Variants in OPTN observed in about 807,000 individuals in gnomAD.
OPTN encodes the protein optineurin.
Under a neutral mutation model 70.4 loss-of-function variants are expected in OPTN, and 54 were observed. That is an observed-to-expected ratio of 0.77 (90% CI 0.62 to 0.96). OPTN has a LOEUF of 0.96. OPTN is among the 40% of genes least tolerant of loss of function. The probability of loss-of-function intolerance (pLI) is 0.00; values close to 1 mark genes in which losing one functional copy is unlikely to be tolerated. For missense variants in OPTN, 624 were observed against 673.2 expected (o/e 0.93, Z 0.81); for synonymous variants, 256 against 248.5 (o/e 1.03, Z -0.28).
intron 1 of OPTN, among the ~76,000 whole-genome samples, chr10:13,103,140 G>GT (rs1395607485): frequency 6.6e-6 from 1 of 152,050 alleles, no homozygotes; most frequent in Non-Finnish European, 1.5e-5. Flanking sequence ...CTTCTAGTGT[G>GT]TAATGACGAG....
At position 13,118,978 on chromosome 10, in the gene OPTN, C is replaced by T. The variant is rs1331720339; in HGVS notation, c.717C>T (p.Cys239=). The change falls in exon 7 of 15, where the codon TGC becomes TGT. Residue 239 remains cysteine, a synonymous_variant. Coordinates refer to ENST00000378747, the MANE Select transcript of OPTN (RefSeq NM_001008212.2). ...TAACTGTGAGCCAGCTCCTGCTGTG[C>T]CTAAGGGAAGGGAATCAGAAGGTGG... ...EELTVSQLLL[C]LREGNQKVER... The T allele has an allele frequency of 6.2e-7, 1 of 1,613,954 alleles. No individual in the cohort carries two copies. Among genetic ancestry groups the T allele is most frequent in the Non-Finnish European group, 8.5e-7 (1 of 1,179,940 alleles).
intron 9 of OPTN, among the ~76,000 whole-genome samples, chr10:13,124,859 T>C (rs1461150950): frequency 6.6e-6 from 1 of 152,234 alleles, no homozygotes; most frequent in Non-Finnish European, 1.5e-5. Flanking sequence ...GTAAATTGTG[T>C]GTTGTAATTT....
intron 1 of OPTN, among the ~76,000 whole-genome samples, chr10:13,101,538 T>C (rs1465252162): frequency 2.0e-5 from 3 of 151,912 alleles, no homozygotes; most frequent in Admixed American, 1.3e-4. Context: ...TTCTGTTTTA[T>C]AGAGATTTGG....
intron 9 of OPTN, 127 bp from the exon 10 acceptor site, chr10:13,125,291 T>G: frequency 3.1e-6 from 3 of 976,406 alleles, no homozygotes; most frequent in Non-Finnish European, 4.8e-6. Context: ...ATTATGTATT[T>G]CATTTTGCAT....
At position 13,108,300 on chromosome 10, in the gene OPTN, A is replaced by G. The variant is rs1832911064; in HGVS notation, c.-12+11A>G. ...CTGAGTCCGCACATAGTAAGCATTC[A>G]AAGAATGTTAATTCTCCCTTTCTTC... On this transcript the variant is annotated intron_variant, in intron 2 of 14. Transcript: ENST00000378747. 1 of 152,224 alleles carries G rather than the reference A, an allele frequency of 6.6e-6. No individual in the cohort carries two copies. The highest frequency in any genetic ancestry group is 1.5e-5 in the Non-Finnish European group (1 of 68,048). 9.4% of individuals were successfully genotyped at this position (152,224 alleles called of 1,614,324 possible).
At chr10:13,114,779 T>TATATAATTATATA (rs1833092572) in intron 5 of OPTN, among the ~76,000 whole-genome samples, 1 of 100,494 alleles carries the variant, frequency 1.0e-5, no homozygotes, top group Non-Finnish European at 1.8e-5. Context: ...ATTATATAAT[T>TATATAATTATATA]ATATAATTAT....
In OPTN at chr10:13,122,421, T is replaced by C. The variant is rs955524179; in HGVS notation, c.816T>C (p.Ser272=). 1.2e-6 allele frequency: 2 copies of C among 1,613,852 alleles called. No individual in the cohort carries two copies. Among genetic ancestry groups the C allele is most frequent in the Non-Finnish European group, 1.7e-6 (2 of 1,179,874 alleles). ...SDFEKKTSNR[S]EIETQTEGST... ...TTGAAAAGAAAACAAGTAATCGTTC[T>C]GAGATTGAAACCCAGACAGAGGGGA... is the stretch of plus-strand genomic sequence containing the variant. Residue 272 remains serine, a synonymous_variant, in exon 8 of 15, where the codon TCT becomes TCC. Coordinates refer to ENST00000378747, the MANE Select transcript of OPTN (RefSeq NM_001008212.2).
intron 1 of OPTN, among the ~76,000 whole-genome samples, chr10:13,100,790 A>T (rs979632770): frequency 6.6e-6 from 1 of 152,162 alleles, no homozygotes; most frequent in East Asian, 1.9e-4. Context: ...ATATAGAGAG[A>T]ATATTTGATG....
chr10:13,133,483 T>C lies in OPTN; in HGVS notation c.1533-19T>C, dbSNP rs187257874. 5 of 1,612,464 alleles carry C rather than the reference T, an allele frequency of 3.1e-6. No homozygotes were observed. The East Asian group carries it at 6.7e-5, about 22-fold the overall frequency. ...GGGTTGTAGAACATCACACAGCGTG[T>C]TGCTTTTCGTCCTGGCAGGCAGTCC... On this transcript the variant is annotated intron_variant, in intron 13 of 14. Coordinates refer to ENST00000378747, the MANE Select transcript of OPTN (RefSeq NM_001008212.2).
Position 13,104,254 on chromosome 10 carries a change from CTTTTTTTTT to C in OPTN, c.-163-3871_-163-3863del, listed in dbSNP as rs60982439. Among the ~76,000 whole-genome samples, 8 of 97,836 alleles carry C rather than the reference CTTTTTTTTT, an allele frequency of 8.2e-5. No homozygotes were observed. In the South Asian group the frequency reaches 2.8e-3, roughly 34 times the overall value. 64.2% of individuals were successfully genotyped at this position (97,836 alleles called of 152,430 possible). A position where few individuals can be genotyped will look rare whatever the true frequency, so the allele number is the denominator to read the frequency against. On this transcript the variant is annotated intron_variant, in intron 1 of 14. Transcript: ENST00000378747. ...AAATCAGTTAAATTAGTTTTTTTTT[CTTTTTTTTT>C]TTTTTTTTTTTTGTGAGACAGGGTC...
At chr10:13,108,985 G>A (rs1447310414) in intron 2 of OPTN, 127 bp from the exon 3 acceptor site, 22 of 831,520 alleles carry the variant, frequency 2.6e-5, no homozygotes, top group Non-Finnish European at 3.9e-5. Context: ...TGTCCAAAAT[G>A]TAACTGGAGA....
intron 6 of OPTN, chr10:13,116,636 G>A (rs765628756): frequency 1.5e-4 from 68 of 457,092 alleles, no homozygotes; most frequent in Middle Eastern, 6.2e-4. Context: ...TCAATGATTT[G>A]TTCCTAATCA....
At chr10:13,102,074 T>G (rs1832759629) in intron 1 of OPTN, among the ~76,000 whole-genome samples, 1 of 151,728 alleles carries the variant, frequency 6.6e-6, no homozygotes. Flanking sequence ...GTGCTCGGAG[T>G]AGGGAACAGT....
intron 7 of OPTN, among the ~76,000 whole-genome samples, chr10:13,119,830 C>T (rs1324904592): frequency 6.6e-6 from 1 of 152,060 alleles, no homozygotes; most frequent in African/African-American, 2.4e-5. Flanking sequence ...TCATGTTGAC[C>T]GTTTGTTTGA....
intron 14 of OPTN, among the ~76,000 whole-genome samples, 175 bp downstream of exon 14, chr10:13,133,756 C>T (rs1220826371): frequency 6.6e-6 from 1 of 152,196 alleles, no homozygotes; most frequent in African/African-American, 2.4e-5. Flanking sequence ...CCACCGAATC[C>T]AGACCAGACC....
chr10:13,102,170 C>T (rs1041175835), intron 1 of OPTN, among the ~76,000 whole-genome samples: 20 of 152,154 alleles, frequency 1.3e-4, no homozygotes, highest in Admixed American at 3.3e-4. Context: ...CCAGACATTT[C>T]GGGCAGAGGG....
Position 13,117,282 on chromosome 10 carries a change from G to A in OPTN, c.626+942G>A, listed in dbSNP as rs530379410. Among the ~76,000 whole-genome samples, 151 of 151,518 alleles carry A rather than the reference G, an allele frequency of 1.0e-3. 5 individuals carry two copies. In the South Asian group the frequency reaches 0.026, roughly 26 times the overall value. ...TTTTTAGTAGAGATGGGGTTTCACC[G>A]TGTTAGCCAGGATGGTCTCGATCTC... On this transcript the variant is annotated intron_variant, in intron 6 of 14. Transcript: ENST00000378747.
intron 5 of OPTN, among the ~76,000 whole-genome samples, chr10:13,115,527 A>ATATAATATATTCTATAT (rs1564360083): frequency 4.2e-5 from 3 of 70,628 alleles, no homozygotes; most frequent in Non-Finnish European, 7.8e-5. Context: ...ATATTCTATA[A>ATATAATATATTCTATAT]TATATAATAT....
chr10:13,116,401 C>T, intron 6 of OPTN, 61 bp downstream of exon 6: 1 of 1,164,536 alleles, frequency 8.6e-7, no homozygotes, highest in Non-Finnish European at 1.3e-6. Flanking sequence ...TCACTGGGTG[C>T]TTGTCACCGG....
Sources: gnomAD v4.1 joint callset for allele counts (sites outside exome capture counted in the v4.1 genomes callset) on GRCh38, gnomAD v4.1.1 for gene constraint, MANE v1.5 for transcripts, NCBI Gene and HGNC (gene_info 2026-07-23, HGNC 2026-07-21) for gene names.